Variants in CUL7 observed in about 807,000 individuals in gnomAD.
CUL7 encodes the protein cullin-7.
In CUL7, 96 loss-of-function variants were observed where a neutral mutation model predicts 177.7. The observed-to-expected ratio is 0.54, with a 90% CI of 0.46 to 0.64. The LOEUF is 0.64. Among genes scored for constraint, CUL7 ranks in the 30% least tolerant of loss-of-function variants. CUL7 has a pLI of 0.00. For synonymous variants in CUL7, 824 were observed against 890.2 expected, an observed-to-expected ratio of 0.93 and a Z score of 1.32; for missense variants, 1,893 against 2,187.9, an observed-to-expected ratio of 0.87 and a Z score of 2.69.
intron 19 of CUL7, 95 bp downstream of exon 19, chr6:43,042,707 T>C (rs983788010): frequency 1.1e-5 from 9 of 813,218 alleles, no homozygotes; most frequent in Non-Finnish European, 1.9e-5. Flanking sequence ...ATGTTCATCA[T>C]AGAATGGGAA....
At position 43,052,897 on chromosome 6, in the gene CUL7, AG is replaced by A; in HGVS notation, c.-8-102del. 1 of 1,299,186 alleles carries A rather than the reference AG, an allele frequency of 7.7e-7. No individual in the cohort carries two copies. The highest frequency in any genetic ancestry group is 1.1e-6 in the Non-Finnish European group (1 of 932,466). The allele number at this position is 1,299,186 out of a possible 1,614,324, so 80.5% of individuals were successfully genotyped here. On this transcript the variant is annotated intron_variant, in intron 1 of 25. Coordinates refer to ENST00000265348, the MANE Select transcript of CUL7 (RefSeq NM_014780.5). The surrounding 1 kb of genome is among the most constrained non-coding windows in gnomAD (Gnocchi z 4.5). ...GGGGAAGCAAATGGCAACAGCTGTCAGGCGGGGTGGGGTAAAGCCAGGCCCA... is the reference window on the plus strand; with the variant it reads ...GGGGAAGCAAATGGCAACAGCTGTCAGCGGGGTGGGGTAAAGCCAGGCCCA...
rs756016120 is a variant in CUL7, at chr6:43,048,554, G to T, written c.1841C>A (p.Ser614Tyr). Residue 614 changes from serine to tyrosine, a missense_variant, in exon 8 of 26, where the codon TCT (serine) becomes TAT (tyrosine). Transcript: ENST00000265348. ...CTGCAGGGGAGTGTTGGGACTCTGAGATGGGGGTTCTTTTGCTACAGGAAG... is the reference window on the plus strand; with the variant it reads ...CTGCAGGGGAGTGTTGGGACTCTGATATGGGGGTTCTTTTGCTACAGGAAG... ...AAKVEAKEPPSQSPNTPLQRL... is the reference protein window; with the variant it reads ...AAKVEAKEPPYQSPNTPLQRL... The T allele has an allele frequency of 4.3e-6, 7 of 1,613,944 alleles. No homozygotes were observed. Among genetic ancestry groups the T allele is most frequent in the South Asian group, 1.1e-5 (1 of 91,068 alleles).
At position 43,037,867 on chromosome 6, in the gene CUL7, G is replaced by T. The variant is rs374097275; in HGVS notation, c.4918C>A (p.Arg1640=). The T allele has an allele frequency of 1.2e-6, 2 of 1,613,716 alleles. No homozygotes were observed. The highest frequency in any genetic ancestry group is 1.7e-6 in the Non-Finnish European group (2 of 1,179,774). ...ACTGCATAGGACAGCACCTGGGGCCGGTCGTCATGGCGTCTCAGCGTGCCC... is the reference window on the plus strand; with the variant it reads ...ACTGCATAGGACAGCACCTGGGGCCTGTCGTCATGGCGTCTCAGCGTGCCC... ...GKGTLRRHDD[R]PQVLSYAVPV... Residue 1640 remains arginine, a synonymous_variant, in exon 26 of 26, where the codon CGG becomes AGG. Coordinates refer to ENST00000265348, the MANE Select transcript of CUL7 (RefSeq NM_014780.5).
At chr6:43,041,704 G>A (rs961596303) in intron 19 of CUL7, among the ~76,000 whole-genome samples, 60 of 150,622 alleles carry the variant, frequency 4.0e-4, no homozygotes, top group African/African-American at 1.4e-3. Flanking sequence ...AAGGGAAGGG[G>A]AAGGGAAGGG....
Position 43,045,585 on chromosome 6 carries a change from A to G in CUL7, c.2862+2T>C. 2 of 1,614,082 alleles carry G rather than the reference A, an allele frequency of 1.2e-6. No individual in the cohort carries two copies. The highest frequency in any genetic ancestry group is 1.7e-6 in the Non-Finnish European group (2 of 1,180,004). On this transcript the variant is annotated splice_donor_variant, in intron 14 of 25. Coordinates refer to ENST00000265348, the MANE Select transcript of CUL7 (RefSeq NM_014780.5). LOFTEE classifies it high-confidence loss of function. The surrounding 1 kb of genome is among the most constrained non-coding windows in gnomAD (Gnocchi z 4.8). ...GGCCACACCCCACATCCCTGGCCCC[A>G]CCTGCTGGCAGCGCTTTATGCGGAT...
In CUL7 at chr6:43,046,945, T is replaced by G; in HGVS notation, c.2332A>C (p.Lys778Gln). Residue 778 changes from lysine (K) to glutamine (Q), a missense_variant, in exon 10 of 26, where the codon AAG (lysine) becomes CAG (glutamine). Transcript: ENST00000265348. The part of the protein sequence containing the change: ...LAQELRDMVF[K>Q]CEKHAHLYRK... ...TAGAGGTGGGCATGCTTCTCACACT[T>G]GAACACCATGTCCCGCAGCTCCTGA... is the stretch of plus-strand genomic sequence containing the variant. 6.2e-7 allele frequency: 1 copy of G among 1,613,700 alleles called. No individual in the cohort carries two copies. The highest frequency in any genetic ancestry group is 8.5e-7 in the Non-Finnish European group (1 of 1,179,662).
In CUL7 at chr6:43,043,349, G is replaced by C. The variant is rs1312590706; in HGVS notation, c.3355+99C>G. 17 of 1,310,326 alleles carry C rather than the reference G, an allele frequency of 1.3e-5. No homozygotes were observed. The highest frequency in any genetic ancestry group is 1.5e-5 in the Non-Finnish European group (14 of 910,602). 81.2% of individuals were successfully genotyped at this position (1,310,326 alleles called of 1,614,324 possible). Reference sequence around the variant, plus strand: ...AAGATGAACAGGCTGAGCCCATAGGGAGGGGAAGGATGGGGATGGACAGAA... The same window carrying C: ...AAGATGAACAGGCTGAGCCCATAGGCAGGGGAAGGATGGGGATGGACAGAA... On this transcript the variant is annotated intron_variant, in intron 17 of 25. Coordinates refer to ENST00000265348, the MANE Select transcript of CUL7 (RefSeq NM_014780.5). The surrounding 1 kb of genome is among the most constrained non-coding windows in gnomAD (Gnocchi z 4.2).
In CUL7 at chr6:43,052,256, C is replaced by A. The variant is rs183865568; in HGVS notation, c.533G>T (p.Arg178Leu). Reference protein sequence around the residue: ...HMLSSPDYQIRWSAGRMIQAL... With the variant: ...HMLSSPDYQILWSAGRMIQAL... ...TTGTATCATCCGGCCTGCACTCCAG[C>A]GAATCTGATAATCAGGACTACTCAA... Residue 178 changes from arginine to leucine, a missense_variant, in exon 2 of 26, where the codon CGC (arginine) becomes CTC (leucine). Transcript: ENST00000265348. The surrounding 1 kb of genome is among the most constrained non-coding windows in gnomAD (Gnocchi z 4.5). The A allele has an allele frequency of 8.1e-4, 1,307 of 1,614,212 alleles. 3 individuals carry two copies. The highest frequency in any genetic ancestry group is 7.6e-4 in the South Asian group (69 of 91,084).
In CUL7 at chr6:43,050,541, A is replaced by G; in HGVS notation, c.1234-143T>C. On this transcript the variant is annotated intron_variant, in intron 4 of 25. Coordinates refer to ENST00000265348, the MANE Select transcript of CUL7 (RefSeq NM_014780.5). The surrounding 1 kb of genome is among the most constrained non-coding windows in gnomAD (Gnocchi z 4.1). ...CCTCCACATAACAAAACAGCAGCAT[A>G]TGGAGAATACACACACACACACACA... 1.5e-6 allele frequency: 1 copy of G among 672,094 alleles called. No individual in the cohort carries two copies. 41.6% of individuals were successfully genotyped at this position (672,094 alleles called of 1,614,324 possible). A position where few individuals can be genotyped will look rare whatever the true frequency, so the allele number is the denominator to read the frequency against.
intron 19 of CUL7, among the ~76,000 whole-genome samples, chr6:43,041,737 G>A (rs2150312725): frequency 6.6e-6 from 1 of 151,596 alleles, no homozygotes; most frequent in South Asian, 2.1e-4. Flanking sequence ...AGGGAGAGGT[G>A]GCTCATGCCT....
Position 43,051,742 on chromosome 6 carries a change from A to G in CUL7, c.602T>C (p.Leu201Pro). The change falls in exon 3 of 26, where the codon CTG becomes CCG. Residue 201 changes from leucine (L) to proline (P), a missense_variant. This residue lies in a region of CUL7 where 653 missense variants were observed against 725.2 expected (regional missense o/e 0.90). Coordinates refer to ENST00000265348, the MANE Select transcript of CUL7 (RefSeq NM_014780.5). This position sits in a 1 kb window ranked among gnomAD's most constrained non-coding sequence, Gnocchi z 5.0. ...AATGGCTTCTTGTTGGCTCAGTGAC[A>G]GAAGGATCTGAGTCCGGGTCCCTGT... Reference protein sequence around the residue: ...HDAGTRTQILLSLSQQEAIEK... With the variant: ...HDAGTRTQILPSLSQQEAIEK... 6.2e-7 allele frequency: 1 copy of G among 1,614,186 alleles called. No individual in the cohort carries two copies. The highest frequency in any genetic ancestry group is 8.5e-7 in the Non-Finnish European group (1 of 1,180,026).
At chr6:43,046,854 G>T in intron 10 of CUL7, 26 bp downstream of exon 10, 2 of 1,432,674 alleles carry the variant, frequency 1.4e-6, no homozygotes, top group Non-Finnish European at 2.0e-6. Context: ...GCCACTCTAA[G>T]CCCACAAGCT....
rs139364503 is a variant in CUL7, at chr6:43,051,112, G to A, written c.1089C>T (p.Phe363=). Reference sequence around the variant, plus strand: ...ACAAAGCATAGGTATTGCCACTTGCGAACTCAGAACGAGGGCGAAAACGTC... The same window carrying A: ...ACAAAGCATAGGTATTGCCACTTGCAAACTCAGAACGAGGGCGAAAACGTC... ...RSRRFRPRSE[F]ASGNTYALYV... The change falls in exon 4 of 26, where the codon TTC becomes TTT. Residue 363 remains phenylalanine (F), a synonymous_variant. Coordinates refer to ENST00000265348, the MANE Select transcript of CUL7 (RefSeq NM_014780.5). This position sits in a 1 kb window ranked among gnomAD's most constrained non-coding sequence, Gnocchi z 5.0. 31 of 1,614,178 alleles carry A rather than the reference G, an allele frequency of 1.9e-5. 1 individual carries two copies. In the African/African-American group the frequency reaches 3.1e-4, roughly 16 times the overall value.
chr6:43,051,490 CTA>C lies in CUL7; in HGVS notation c.733-24_733-23del. On this transcript the variant is annotated intron_variant, in intron 3 of 25. Transcript: ENST00000265348. The surrounding 1 kb of genome is among the most constrained non-coding windows in gnomAD (Gnocchi z 5.0). ...GGACCTGTGGGATACAACCTTTGGC[CTA>C]TATCCACCTTGTCCCAGTTTAAGCC... 3 of 1,614,038 alleles carry C rather than the reference CTA, an allele frequency of 1.9e-6. No individual in the cohort carries two copies. The highest frequency in any genetic ancestry group is 2.5e-6 in the Non-Finnish European group (3 of 1,180,016).
At chr6:43,044,434 G>A (rs1047770873) in intron 16 of CUL7, among the ~76,000 whole-genome samples, 8 of 152,258 alleles carry the variant, frequency 5.3e-5, no homozygotes, top group Non-Finnish European at 1.0e-4. Context: ...GGGAGGCAGA[G>A]GTTGCAGTGA....
chr6:43,046,862 G>A lies in CUL7; in HGVS notation c.2397+18C>T. 1 of 1,488,338 alleles carries A rather than the reference G, an allele frequency of 6.7e-7. No homozygotes were observed. Among genetic ancestry groups the A allele is most frequent in the Non-Finnish European group, 9.4e-7 (1 of 1,065,390 alleles). 92.2% of individuals were successfully genotyped at this position (1,488,338 alleles called of 1,614,324 possible). On this transcript the variant is annotated intron_variant, in intron 10 of 25. Coordinates refer to ENST00000265348, the MANE Select transcript of CUL7 (RefSeq NM_014780.5). The stretch of plus-strand genomic sequence containing the variant: ...TTCTGATGCCACTCTAAGCCCACAA[G>A]CTCCCCTTCCTCCTGACCTGGATGC...
At position 43,050,769 on chromosome 6, in the gene CUL7, G is replaced by A. The variant is rs1764328128; in HGVS notation, c.1233+199C>T. On this transcript the variant is annotated intron_variant, in intron 4 of 25. Coordinates refer to ENST00000265348, the MANE Select transcript of CUL7 (RefSeq NM_014780.5). The surrounding 1 kb of genome is among the most constrained non-coding windows in gnomAD (Gnocchi z 4.1). ...TTTCTTCCCAGGTGTGAGTCTTCTTGACTTCACAGCCTCCTAAACCCAGAT... is the reference window on the plus strand; with the variant it reads ...TTTCTTCCCAGGTGTGAGTCTTCTTAACTTCACAGCCTCCTAAACCCAGAT... Among the ~76,000 whole-genome samples the A allele has an allele frequency of 6.6e-6, 1 of 152,012 alleles. No individual in the cohort carries two copies. The highest frequency in any genetic ancestry group is 1.5e-5 in the Non-Finnish European group (1 of 67,996).
intron 19 of CUL7, 114 bp from the exon 20 acceptor site, chr6:43,041,189 G>T: frequency 2.0e-6 from 2 of 982,340 alleles, no homozygotes; most frequent in Non-Finnish European, 3.2e-6. Flanking sequence ...TTCTAAGGTG[G>T]TTGGTGCTTT....
Position 43,043,793 on chromosome 6 carries a change from CTGAGA to C in CUL7, c.3173-168_3173-164del, listed in dbSNP as rs1446342223. Among the ~76,000 whole-genome samples the C allele has an allele frequency of 6.6e-6, 1 of 152,082 alleles. No homozygotes were observed. Among genetic ancestry groups the C allele is most frequent in the Non-Finnish European group, 1.5e-5 (1 of 68,012 alleles). Reference sequence around the variant, plus strand: ...CCTGTAATCCCAGCACTTTGGGAGGCTGAGATGAGAGGATCGCTTGAGGCAGGAGT... The same window carrying C: ...CCTGTAATCCCAGCACTTTGGGAGGCTGAGAGGATCGCTTGAGGCAGGAGT... On this transcript the variant is annotated intron_variant, in intron 16 of 25. Coordinates refer to ENST00000265348, the MANE Select transcript of CUL7 (RefSeq NM_014780.5). The surrounding 1 kb of genome is among the most constrained non-coding windows in gnomAD (Gnocchi z 4.2).
Sources: gnomAD v4.1 joint callset for allele counts (sites outside exome capture counted in the v4.1 genomes callset) on GRCh38, gnomAD v4.1.1 for gene constraint, gnomAD v4.1.1 regional missense constraint, Gnocchi (gnomAD v3.1) non-coding constraint, MANE v1.5 for transcripts, NCBI Gene and HGNC (gene_info 2026-07-23, HGNC 2026-07-21) for gene names.